CMSS1: variants seen among roughly 807,000 people sequenced by gnomAD.
The protein encoded by CMSS1 is protein CMSS1.
Under a neutral mutation model 43.5 loss-of-function variants are expected in CMSS1, and 33 were observed. The ratio of observed to expected loss-of-function variants is 0.76; its 90% confidence interval spans 0.57 to 1.01. CMSS1 has a LOEUF of 1.01. Ranked by LOEUF, CMSS1 falls within the 50% of genes least tolerant of loss-of-function variation. CMSS1 has a pLI of 0.00. For missense variants in CMSS1, 313 were observed against 326.4 expected, an observed-to-expected ratio of 0.96 and a Z score of 0.32; for synonymous variants, 115 against 117.2, an observed-to-expected ratio of 0.98 and a Z score of 0.12.
At chr3:99,924,269 C>G in intron 1 of CMSS1, 2 of 1,614,032 alleles carry the variant, frequency 1.2e-6, no homozygotes, top group Non-Finnish European at 1.7e-6. Context: ...GAATTCATCA[C>G]TCTTCTCCAT....
At chr3:100,015,703 TTCA>T (rs1392766887) in intron 1 of CMSS1, among the ~76,000 whole-genome samples, 1 of 152,218 alleles carries the variant, frequency 6.6e-6, no homozygotes, top group African/African-American at 2.4e-5. Context: ...CTTCAGTGTC[TTCA>T]TCGTTTTTGC....
At chr3:100,141,686 T>G (rs1450143286) in intron 1 of CMSS1, 1 of 404,680 alleles carries the variant, frequency 2.5e-6, no homozygotes, top group African/African-American at 2.1e-5. Context: ...CATTTGCTGT[T>G]GTTGCCAGGG....
intron 1 of CMSS1, among the ~76,000 whole-genome samples, chr3:99,969,390 T>C (rs1398163323): frequency 6.6e-6 from 1 of 152,218 alleles, no homozygotes; most frequent in Non-Finnish European, 1.5e-5. Context: ...TTGAGCCACG[T>C]TGATGGCCTA....
At chr3:100,020,283 TA>T (rs1306428137) in intron 1 of CMSS1, among the ~76,000 whole-genome samples, 1 of 152,222 alleles carries the variant, frequency 6.6e-6, no homozygotes, top group African/African-American at 2.4e-5. Context: ...GCAGATTTTC[TA>T]AAAGCTGTAT....
chr3:100,170,147 T>C (rs2067098233), intron 6 of CMSS1, among the ~76,000 whole-genome samples: 1 of 152,228 alleles, frequency 6.6e-6, no homozygotes, highest in South Asian at 2.1e-4. Context: ...CTGGTTAACC[T>C]TGCCATGGAG....
intron 1 of CMSS1, 118 bp from the exon 2 acceptor site, chr3:100,146,855 C>T: frequency 1.6e-6 from 2 of 1,285,016 alleles, no homozygotes; most frequent in Non-Finnish European, 2.1e-6. Context: ...TTAAGTGCAG[C>T]TTCTTTGAGG....
chr3:99,968,323 G>C lies in CMSS1; in HGVS notation c.64+150280G>C, dbSNP rs546717095. On this transcript the variant is annotated intron_variant, in intron 1 of 9. Coordinates refer to ENST00000421999, the MANE Select transcript of CMSS1 (RefSeq NM_032359.4). ...CTTATTGTAGCCTAAATTGTACTTA[G>C]GGGTACGAGTGAGAAACAGGGATTA... Among the ~76,000 whole-genome samples the C allele has an allele frequency of 2.6e-5, 4 of 152,162 alleles. No individual in the cohort carries two copies. In the South Asian group the frequency reaches 8.3e-4, roughly 32 times the overall value.
intron 1 of CMSS1, among the ~76,000 whole-genome samples, chr3:100,067,333 G>C (rs547054067): frequency 5.3e-5 from 8 of 152,308 alleles, no homozygotes; most frequent in African/African-American, 1.9e-4. Flanking sequence ...TATGGTGCAG[G>C]TGAAAGTCTA....
intron 1 of CMSS1, among the ~76,000 whole-genome samples, chr3:99,964,087 CAG>C (rs1391938436): frequency 1.3e-5 from 2 of 151,996 alleles, no homozygotes; most frequent in African/African-American, 2.4e-5. Flanking sequence ...TAAATAAAAA[CAG>C]AGGGCATAGA....
chr3:99,878,884 C>A (rs1305363354), intron 1 of CMSS1, among the ~76,000 whole-genome samples: 1 of 152,118 alleles, frequency 6.6e-6, no homozygotes, highest in Non-Finnish European at 1.5e-5. Context: ...CTCTTTCAAC[C>A]AAAATTCTTT....
At chr3:99,908,012 T>C (rs1334478704) in intron 1 of CMSS1, among the ~76,000 whole-genome samples, 1 of 152,260 alleles carries the variant, frequency 6.6e-6, no homozygotes, top group Non-Finnish European at 1.5e-5. Context: ...GTGTATTGAA[T>C]ATTTGTAAAT....
intron 1 of CMSS1, among the ~76,000 whole-genome samples, chr3:100,120,042 A>G (rs1485395071): frequency 6.6e-6 from 1 of 151,164 alleles, no homozygotes; most frequent in Non-Finnish European, 1.5e-5. Context: ...GAAAATGATA[A>G]TAAGAGGTTA....
chr3:99,929,199 G>C (rs1707391240), intron 1 of CMSS1, among the ~76,000 whole-genome samples: 1 of 152,206 alleles, frequency 6.6e-6, no homozygotes, highest in Non-Finnish European at 1.5e-5. Flanking sequence ...ATGTCAGCAA[G>C]TAAAAGAGCA....
chr3:100,073,059 G>GT lies in CMSS1; in HGVS notation c.65-73913dup, dbSNP rs570748011. 2.2e-4 allele frequency among the ~76,000 whole-genome samples: 34 copies of GT among 152,190 alleles called. No homozygotes were observed. In the South Asian group the frequency reaches 7.0e-3, roughly 32 times the overall value. On this transcript the variant is annotated intron_variant, in intron 1 of 9. Coordinates refer to ENST00000421999, the MANE Select transcript of CMSS1 (RefSeq NM_032359.4). ...GAGGCAAAGCATAATTAGTTTATGT[G>GT]TATGTTCATAATAAAATGGAAACCA...
At chr3:100,032,349 G>T (rs1465401919) in intron 1 of CMSS1, among the ~76,000 whole-genome samples, 1 of 152,192 alleles carries the variant, frequency 6.6e-6, no homozygotes, top group Admixed American at 6.6e-5. Flanking sequence ...TGAAATGCAG[G>T]TTATAGCTGG....
chr3:100,172,238 A>T, intron 7 of CMSS1, 78 bp from the exon 8 acceptor site: 12 of 1,292,442 alleles, frequency 9.3e-6, no homozygotes, highest in Admixed American at 1.9e-5. Flanking sequence ...TAACTTTGAG[A>T]TAAAATGTTC....
chr3:100,046,574 G>C (rs2065282414), intron 1 of CMSS1, among the ~76,000 whole-genome samples: 1 of 152,102 alleles, frequency 6.6e-6, no homozygotes. Context: ...GGTTGTTGTT[G>C]ATGTTTTTGT....
intron 1 of CMSS1, among the ~76,000 whole-genome samples, chr3:100,128,942 A>G (rs1355344082): frequency 6.6e-6 from 1 of 152,148 alleles, no homozygotes; most frequent in Non-Finnish European, 1.5e-5. Flanking sequence ...TTAACTTTTA[A>G]CTATCATAGA....
At chr3:100,100,876 A>G (rs1387892133) in intron 1 of CMSS1, among the ~76,000 whole-genome samples, 1 of 152,158 alleles carries the variant, frequency 6.6e-6, no homozygotes, top group African/African-American at 2.4e-5. Flanking sequence ...CATGAGGAAG[A>G]TCAGTTTTTC....
Sources: gnomAD v4.1 joint callset for allele counts (sites outside exome capture counted in the v4.1 genomes callset) on GRCh38, gnomAD v4.1.1 for gene constraint, MANE v1.5 for transcripts, NCBI Gene and HGNC (gene_info 2026-07-23, HGNC 2026-07-21) for gene names.